HSPA4: variants seen among roughly 807,000 people sequenced by gnomAD.
HSPA4 encodes heat shock protein family A (Hsp70) member 4, also known as heat shock 70 kDa protein 4.
HSPA4 carries 25 observed loss-of-function variants against 106.2 expected under a neutral mutation model. That is an observed-to-expected ratio of 0.24 (90% CI 0.17 to 0.33). The LOEUF is 0.33. HSPA4 is among the 10% of genes least tolerant of loss of function. The pLI is 1.00. For missense variants in HSPA4, 841 were observed against 996.0 expected (o/e 0.84, Z 2.10); for synonymous variants, 332 against 333.6 (o/e 1.00, Z 0.05).
chr5:133,057,697 A>G (rs62375205), intron 1 of HSPA4, among the ~76,000 whole-genome samples: 31,246 of 152,174 alleles, frequency 0.21, 3,395 homozygotes, highest in South Asian at 0.26. Flanking sequence ...GGACTTAAAG[A>G]TTAGAACAGA....
At chr5:133,055,307 A>ATTTTTTTTTTTT (rs397999293) in intron 1 of HSPA4, among the ~76,000 whole-genome samples, 3 of 60,062 alleles carry the variant, frequency 5.0e-5, no homozygotes, top group Admixed American at 2.3e-4. Context: ...AGGAAGGTTG[A>ATTTTTTTTTTTT]TTTTTTTTTT....
chr5:133,078,499 G>A (rs890289025), intron 7 of HSPA4, among the ~76,000 whole-genome samples: 2 of 151,916 alleles, frequency 1.3e-5, no homozygotes, highest in African/African-American at 4.8e-5. Context: ...GCTGGGTGTG[G>A]TGGCAGGCGC....
chr5:133,082,862 A>T (rs1237859822), intron 7 of HSPA4, among the ~76,000 whole-genome samples: 5 of 152,056 alleles, frequency 3.3e-5, no homozygotes, highest in Non-Finnish European at 5.9e-5. Flanking sequence ...CTGTCCAGGC[A>T]TGGTGGCTCA....
rs1765643722 is a variant in HSPA4 at position 133,091,238 on chromosome 5, G to C, written c.1424G>C (p.Ser475Thr). ...QKVTPQSDGS[S>T]SKVKVKVRVN... is the part of the protein sequence containing the mutation. ...GTCACTCCTCAGTCTGATGGCTCCA[G>C]TTCAAAAGTGAAAGTCAAAGTTCGA... The change falls in exon 12 of 19, where the codon AGT becomes ACT. Residue 475 changes from serine (S) to threonine (T), a missense_variant. Around this residue, in one of 5 missense-constraint regions of HSPA4, gnomAD observed 162 missense variants for 177.7 expected, o/e 0.91. Coordinates refer to ENST00000304858, the MANE Select transcript of HSPA4 (RefSeq NM_002154.4). 1 of 1,614,022 alleles carries C rather than the reference G, an allele frequency of 6.2e-7. No homozygotes were observed. Among genetic ancestry groups the C allele is most frequent in the South Asian group, 1.1e-5 (1 of 91,084 alleles).
intron 1 of HSPA4, among the ~76,000 whole-genome samples, chr5:133,062,431 A>T (rs922687858): frequency 2.6e-4 from 39 of 152,152 alleles, no homozygotes; most frequent in African/African-American, 8.9e-4. Context: ...ATTTAGAAAG[A>T]TGGAGGTGTG....
chr5:133,075,074 T>G (rs1765431558), intron 6 of HSPA4, among the ~76,000 whole-genome samples: 1 of 152,218 alleles, frequency 6.6e-6, no homozygotes, highest in South Asian at 2.1e-4. Context: ...TTTGTTATGG[T>G]CTTGTTTCTT....
chr5:133,061,144 A>G (rs1171616289), intron 1 of HSPA4, among the ~76,000 whole-genome samples: 4 of 146,540 alleles, frequency 2.7e-5, no homozygotes, highest in Non-Finnish European at 1.5e-5. Flanking sequence ...TTTTTTTGAG[A>G]CGGAGTCTTG....
intron 7 of HSPA4, among the ~76,000 whole-genome samples, chr5:133,082,269 G>A (rs1440351162): frequency 1.3e-5 from 2 of 152,168 alleles, no homozygotes; most frequent in African/African-American, 4.8e-5. Flanking sequence ...GGCTGTGGGA[G>A]TTGAGGAAAG....
At position 133,106,101 on chromosome 5, in the gene HSPA4, AATTTTTTTT is replaced by A. The variant is rs1765854946; in HGVS notation, c.*1666_*1674del. 84 of 80,234 alleles carry A rather than the reference AATTTTTTTT, an allele frequency of 1.0e-3. 5 individuals carry two copies. Among genetic ancestry groups the A allele is most frequent in the African/African-American group, 3.6e-3 (71 of 19,854 alleles). 5.0% of individuals were successfully genotyped at this position (80,234 alleles called of 1,614,324 possible). Reference sequence around the variant, plus strand: ...GGCCATTTCTTCTTAAAAAAAAAAAAATTTTTTTTTTTTTTTTTTTTTTTTTTTTTTTTT... The same window carrying A: ...GGCCATTTCTTCTTAAAAAAAAAAAATTTTTTTTTTTTTTTTTTTTTTTTT... On this transcript the variant is annotated 3_prime_UTR_variant, in exon 19 of 19. Transcript: ENST00000304858.
At chr5:133,069,968 C>T (rs1765360225) in intron 3 of HSPA4, among the ~76,000 whole-genome samples, 1 of 151,886 alleles carries the variant, frequency 6.6e-6, no homozygotes. Context: ...AGTTTTGAGA[C>T]CAGCATCGGC....
At chr5:133,052,386 A>C (rs1203709096) in intron 1 of HSPA4, 29 bp downstream of exon 1, 3 of 1,391,730 alleles carry the variant, frequency 2.2e-6, no homozygotes, top group South Asian at 1.3e-5. Flanking sequence ...TGCCGCGTGC[A>C]CTGGGGTTAG....
At chr5:133,074,238 C>A in intron 6 of HSPA4, 112 bp downstream of exon 6, 1 of 546,954 alleles carries the variant, frequency 1.8e-6, no homozygotes. Flanking sequence ...GCATACCTTA[C>A]AGGGTTATTC....
At chr5:133,089,771 T>C (rs572905065) in intron 11 of HSPA4, 76 bp downstream of exon 11, 33 of 1,206,510 alleles carry the variant, frequency 2.7e-5, no homozygotes, top group Middle Eastern at 2.0e-4. Flanking sequence ...CCCAACACTT[T>C]GAAAGGCTAA....
chr5:133,059,883 A>G (rs150906707), intron 1 of HSPA4, among the ~76,000 whole-genome samples: 1,867 of 152,262 alleles, frequency 0.012, 16 homozygotes, highest in Non-Finnish European at 0.02. Flanking sequence ...CCTGCCATGG[A>G]TAGGGATCAG....
chr5:133,059,447 CA>C (rs539958401), intron 1 of HSPA4, among the ~76,000 whole-genome samples: 4,438 of 125,904 alleles, frequency 0.035, 203 homozygotes, highest in African/African-American at 0.11. Context: ...GACTTTGTCT[CA>C]AAAAAAAAAA....
chr5:133,101,211 T>C (rs2126717711), intron 16 of HSPA4, among the ~76,000 whole-genome samples: 1 of 152,354 alleles, frequency 6.6e-6, no homozygotes, highest in South Asian at 2.1e-4. Flanking sequence ...TAGATTTTAT[T>C]GATGTCGCTT....
At position 133,089,029 on chromosome 5, in the gene HSPA4, G is replaced by A. The variant is rs200062412; in HGVS notation, c.1138-26G>A. 154 of 1,343,382 alleles carry A rather than the reference G, an allele frequency of 1.1e-4. No homozygotes were observed. The African/African-American group carries it at 2.0e-3, about 18-fold the overall frequency. The allele number at this position is 1,343,382 out of a possible 1,614,324, so 83.2% of individuals were successfully genotyped here. A position where few individuals can be genotyped will look rare whatever the true frequency, so the allele number is the denominator to read the frequency against. On this transcript the variant is annotated intron_variant, in intron 9 of 18. Coordinates refer to ENST00000304858, the MANE Select transcript of HSPA4 (RefSeq NM_002154.4). ...TTTATATTGTCTATACTTGTTAAAC[G>A]GAATTTTTGAAAATTATTATTCTAG...
At chr5:133,077,278 G>T (rs533021017) in intron 7 of HSPA4, among the ~76,000 whole-genome samples, 1 of 151,780 alleles carries the variant, frequency 6.6e-6, no homozygotes. Flanking sequence ...TTGCTGTTTT[G>T]CCCAGGCTGG....
Position 133,073,274 on chromosome 5 carries a change from T to C in HSPA4, c.474T>C (p.Asp158=). ...YTDAERRSVM[D]ATQIAGLNCL... Reference sequence around the variant, plus strand: ...ATGCAGAAAGACGATCAGTGATGGATGCAACACAGATTGCTGGTCTTAATT... The same window carrying C: ...ATGCAGAAAGACGATCAGTGATGGACGCAACACAGATTGCTGGTCTTAATT... Residue 158 remains aspartate, a synonymous_variant, in exon 5 of 19, where the codon GAT becomes GAC. Transcript: ENST00000304858. 1 of 1,613,070 alleles carries C rather than the reference T, an allele frequency of 6.2e-7. No individual in the cohort carries two copies. Among genetic ancestry groups the C allele is most frequent in the East Asian group, 2.2e-5 (1 of 44,860 alleles).
Sources: allele counts gnomAD v4.1 joint callset (sites outside exome capture counted in the v4.1 genomes callset), GRCh38; gene constraint gnomAD v4.1.1; regional missense constraint gnomAD v4.1.1; transcripts MANE v1.5; gene names NCBI Gene and HGNC (gene_info 2026-07-23, HGNC 2026-07-21).